TTC8: variants seen among roughly 807,000 people sequenced by gnomAD.
TTC8 encodes the protein tetratricopeptide repeat protein 8.
In TTC8, 47 loss-of-function variants were observed where a neutral mutation model predicts 72.5. The observed-to-expected ratio is 0.65, with a 90% confidence interval of 0.51 to 0.83. The LOEUF (loss-of-function observed/expected upper bound fraction) is 0.83, where lower values mean the gene tolerates loss of function less well. Ranked by LOEUF, TTC8 falls within the 40% of genes least tolerant of loss-of-function variation. The pLI is 0.00. For missense variants in TTC8, 611 were observed against 623.2 expected, an observed-to-expected ratio of 0.98 and a Z score of 0.21; for synonymous variants, 199 against 221.4, an observed-to-expected ratio of 0.90 and a Z score of 0.90.
At chr14:88,857,397 A>G (rs1001578692) in intron 9 of TTC8, 120 bp downstream of exon 9, 2 of 886,006 alleles carry the variant, frequency 2.3e-6, no homozygotes, top group African/African-American at 1.7e-5. Context: ...CTATGTTTAG[A>G]TTTAACTTGT....
chr14:88,862,925 T>C (rs1249392561), intron 10 of TTC8, among the ~76,000 whole-genome samples: 1 of 151,908 alleles, frequency 6.6e-6, no homozygotes, highest in Non-Finnish European at 1.5e-5. Flanking sequence ...GATATCAGGT[T>C]GGGCAAATTC....
intron 10 of TTC8, 97 bp from the exon 11 acceptor site, chr14:88,869,962 A>G: frequency 7.8e-7 from 1 of 1,282,828 alleles, no homozygotes; most frequent in Non-Finnish European, 1.1e-6. Flanking sequence ...CCTCTCAATA[A>G]ATACTTATTG....
rs970975163 is a variant in TTC8 at position 88,835,814 on chromosome 14, T to C, written c.144+2092T>C. Among the ~76,000 whole-genome samples the C allele has an allele frequency of 5.9e-5, 9 of 152,262 alleles. No homozygotes were observed. In the East Asian group the frequency reaches 7.7e-4, roughly 13 times the overall value. On this transcript the variant is annotated intron_variant, in intron 2 of 14. Coordinates refer to ENST00000380656, the MANE Select transcript of TTC8 (RefSeq NM_144596.4). The stretch of plus-strand genomic sequence containing the variant: ...AAACAGGCAGAGGATTTTAGGGATG[T>C]GAAACATACTTGGCTTGTTTCCAAA...
At chr14:88,827,745 G>C (rs2094707922) in intron 1 of TTC8, among the ~76,000 whole-genome samples, 1 of 152,122 alleles carries the variant, frequency 6.6e-6, no homozygotes, top group African/African-American at 2.4e-5. Flanking sequence ...TCCCAAGCTT[G>C]AAGAAATCCT....
intron 7 of TTC8, among the ~76,000 whole-genome samples, chr14:88,847,070 A>G (rs886305682): frequency 6.6e-6 from 1 of 152,160 alleles, no homozygotes; most frequent in Non-Finnish European, 1.5e-5. Flanking sequence ...ATTATTAAAT[A>G]AGGACTTCTG....
chr14:88,855,964 A>T (rs2094853899), intron 8 of TTC8, among the ~76,000 whole-genome samples: 1 of 152,206 alleles, frequency 6.6e-6, no homozygotes, highest in African/African-American at 2.4e-5. Flanking sequence ...ACATGTCAGT[A>T]ATCCCAGCTA....
intron 10 of TTC8, among the ~76,000 whole-genome samples, chr14:88,867,128 A>G (rs781121361): frequency 1.1e-4 from 17 of 152,272 alleles, no homozygotes; most frequent in Middle Eastern, 3.4e-3. Context: ...GTTGTTTGCA[A>G]TTATTGATGA....
intron 12 of TTC8, 80 bp from the exon 13 acceptor site, chr14:88,872,250 G>A: frequency 2.5e-6 from 4 of 1,585,180 alleles, no homozygotes; most frequent in Non-Finnish European, 3.5e-6. Flanking sequence ...TTGTCTGGTA[G>A]CAGAAGAGAT....
At chr14:88,870,276 A>G (rs2094928509) in intron 11 of TTC8, 78 bp downstream of exon 11, 7 of 1,503,832 alleles carry the variant, frequency 4.7e-6, no homozygotes, top group Non-Finnish European at 6.5e-6. Flanking sequence ...GAATGAAAGT[A>G]TAGAGAAATA....
intron 9 of TTC8, among the ~76,000 whole-genome samples, chr14:88,858,347 T>A (rs1244034374): frequency 6.6e-6 from 1 of 152,274 alleles, no homozygotes; most frequent in East Asian, 1.9e-4. Flanking sequence ...GGTGATGACA[T>A]GATTTTGCTT....
intron 6 of TTC8, among the ~76,000 whole-genome samples, chr14:88,842,917 A>G (rs563474667): frequency 2.4e-4 from 36 of 151,876 alleles, no homozygotes; most frequent in African/African-American, 8.4e-4. Context: ...TTGTTTCTTT[A>G]TAACAGAACA....
Position 88,872,318 on chromosome 14 carries a change from T to C in TTC8, c.1225-12T>C. 1 of 1,613,512 alleles carries C rather than the reference T, an allele frequency of 6.2e-7. No homozygotes were observed. The highest frequency in any genetic ancestry group is 8.5e-7 in the Non-Finnish European group (1 of 1,179,660). On this transcript the variant is annotated splice_polypyrimidine_tract_variant and intron_variant, in intron 12 of 14. Coordinates refer to ENST00000380656, the MANE Select transcript of TTC8 (RefSeq NM_144596.4). ...CGGACCCATGGGTGTGAACATAGGC[T>C]TTCTTTTGTAGGGAATAGGAGATAC...
In TTC8 at chr14:88,853,046, T is replaced by A. The variant is rs747773924; in HGVS notation, c.700T>A (p.Cys234Ser). 3 of 1,612,546 alleles carry A rather than the reference T, an allele frequency of 1.9e-6. No individual in the cohort carries two copies. Residue 234 changes from cysteine to serine, a missense_variant, in exon 8 of 15, where the codon TGT becomes AGT. Transcript: ENST00000380656. The stretch of plus-strand genomic sequence containing the variant: ...GTGGTGGAAAGTACAGATTGGAAAA[T>A]GTTACTACAGGTAAATTTCATTATT... Reference protein sequence around the residue: ...DWWWKVQIGKCYYRLGMYREA... With the variant: ...DWWWKVQIGKSYYRLGMYREA...
rs1488151606 is a variant in TTC8 at position 88,869,986 on chromosome 14, A to C, written c.910-73A>C. 2.7e-6 allele frequency: 4 copies of C among 1,499,512 alleles called. No homozygotes were observed. The East Asian group carries it at 9.2e-5, about 35-fold the overall frequency. The allele number at this position is 1,499,512 out of a possible 1,614,324, so 92.9% of individuals were successfully genotyped here. ...AAATACTTATTGAATGAATGGACTT[A>C]AATCAGTCAGAAAAAAATAATTTTT... On this transcript the variant is annotated intron_variant, in intron 10 of 14. Coordinates refer to ENST00000380656, the MANE Select transcript of TTC8 (RefSeq NM_144596.4).
Position 88,824,802 on chromosome 14 carries a change from A to G in TTC8, c.95A>G (p.Glu32Gly), listed in dbSNP as rs1487533348. 3 of 1,613,252 alleles carry G rather than the reference A, an allele frequency of 1.9e-6. No homozygotes were observed. Among genetic ancestry groups the G allele is most frequent in the African/African-American group, 2.7e-5 (2 of 74,888 alleles). Residue 32 changes from glutamate to glycine, a missense_variant, in exon 1 of 15, where the codon GAG (glutamate) becomes GGG (glycine). Coordinates refer to ENST00000380656, the MANE Select transcript of TTC8 (RefSeq NM_144596.4). ...GCCGATCTATGCACGCAGATGCTGG[A>G]GAAGTCCCCTTATGACCAGGTACCG... ...LCADLCTQMLEKSPYDQEPDP... is the reference protein window; with the variant it reads ...LCADLCTQMLGKSPYDQEPDP...
At chr14:88,857,346 G>A in intron 9 of TTC8, 69 bp downstream of exon 9, 1 of 1,317,640 alleles carries the variant, frequency 7.6e-7, no homozygotes, top group Non-Finnish European at 1.1e-6. Context: ...GCCATTGCAT[G>A]GGGAGAGTAA....
intron 7 of TTC8, among the ~76,000 whole-genome samples, chr14:88,851,742 G>A (rs17124916): frequency 6.6e-6 from 1 of 152,116 alleles, no homozygotes; most frequent in East Asian, 1.9e-4. Flanking sequence ...TGAAAGTACT[G>A]TGTGGCTTCT....
At chr14:88,858,009 T>G (rs1242806549) in intron 9 of TTC8, among the ~76,000 whole-genome samples, 1 of 151,772 alleles carries the variant, frequency 6.6e-6, no homozygotes, top group Non-Finnish European at 1.5e-5. Flanking sequence ...TTGCCCAGGC[T>G]GGAGTGCAGT....
At chr14:88,848,752 G>A (rs1367295458) in intron 7 of TTC8, among the ~76,000 whole-genome samples, 5 of 152,094 alleles carry the variant, frequency 3.3e-5, no homozygotes, top group Admixed American at 6.5e-5. Context: ...ATTTATGACA[G>A]ATACTAGAAG....
Sources: allele counts gnomAD v4.1 joint callset (sites outside exome capture counted in the v4.1 genomes callset), GRCh38; gene constraint gnomAD v4.1.1; transcripts MANE v1.5; gene names NCBI Gene and HGNC (gene_info 2026-07-23, HGNC 2026-07-21).